The following TMCC3 variants were observed in gnomAD, a reference collection of about 807,000 sequenced individuals.
The protein encoded by TMCC3 is transmembrane and coiled-coil domain family 3, also known as transmembrane and coiled-coil domain protein 3.
A neutral mutation model predicts 40.2 loss-of-function variants in TMCC3; 28 were observed. That is an observed-to-expected ratio of 0.70 (90% confidence interval 0.52 to 0.95). TMCC3 has a LOEUF of 0.95. TMCC3 is among the 40% of genes least tolerant of loss of function. The pLI is 0.00. For missense variants in TMCC3, 554 were observed against 615.2 expected (o/e 0.90, Z 1.05); for synonymous variants, 255 against 248.5 (o/e 1.03, Z -0.25).
Position 94,617,030 on chromosome 12 carries a change from G to A in TMCC3, c.78+33323C>T, listed in dbSNP as rs1018457376. Among the ~76,000 whole-genome samples the A allele has an allele frequency of 5.9e-5, 9 of 152,314 alleles. No individual in the cohort carries two copies. The East Asian group carries it at 7.7e-4, about 13-fold the overall frequency. On this transcript the variant is annotated intron_variant, in intron 1 of 3. Coordinates refer to ENST00000261226, the MANE Select transcript of TMCC3 (RefSeq NM_020698.4). Reference sequence around the variant, plus strand: ...GGTGAAGGCTGGATGTAGGGTGGTCGTGAGAGGTCTATGAAGGAGGTGGAA... The same window carrying A: ...GGTGAAGGCTGGATGTAGGGTGGTCATGAGAGGTCTATGAAGGAGGTGGAA...
intron 1 of TMCC3, among the ~76,000 whole-genome samples, chr12:94,628,419 C>G (rs964371460): frequency 6.6e-6 from 1 of 152,218 alleles, no homozygotes; most frequent in African/African-American, 2.4e-5. Context: ...CTTACACTGA[C>G]CTTCTCATAC....
chr12:94,589,302 G>A (rs746478418), intron 1 of TMCC3, among the ~76,000 whole-genome samples: 15 of 152,140 alleles, frequency 9.9e-5, no homozygotes, highest in African/African-American at 2.4e-4. Context: ...CTTTGCCATC[G>A]TATTAATGTC....
rs753311029 is a variant in TMCC3 at position 94,650,376 on chromosome 12, G to T, written c.55C>A (p.Arg19=). The change falls in exon 1 of 4, where the codon CGG becomes AGG. Residue 19 remains arginine (R), a synonymous_variant. Coordinates refer to ENST00000261226, the MANE Select transcript of TMCC3 (RefSeq NM_020698.4). ...ACCCGGCTCTTGCAGCGGTGGTGCC[G>T]GCCGGGGTACGAGTAGGTCCGGTCC... is the stretch of plus-strand genomic sequence containing the variant. ...TVDRTYSYPG[R]HHRCKSRVER... is the part of the protein sequence containing the mutation. 7.4e-7 allele frequency: 1 copy of T among 1,342,468 alleles called. No homozygotes were observed. The highest frequency in any genetic ancestry group is 1.8e-5 in the South Asian group (1 of 57,082). The allele number at this position is 1,342,468 out of a possible 1,614,324, so 83.2% of individuals were successfully genotyped here.
intron 3 of TMCC3, 43 bp downstream of exon 3, chr12:94,578,351 G>A (rs773860152): frequency 2.2e-5 from 35 of 1,588,250 alleles, no homozygotes; most frequent in Admixed American, 3.6e-5. Flanking sequence ...ATTAAGGCTC[G>A]GGAAGAGCCC....
At chr12:94,602,453 C>T (rs2068758699) in intron 1 of TMCC3, among the ~76,000 whole-genome samples, 1 of 152,146 alleles carries the variant, frequency 6.6e-6, no homozygotes, top group South Asian at 2.1e-4. Flanking sequence ...GTTACATTTT[C>T]CCCTTCCTTT....
At chr12:94,639,547 T>G (rs995223137) in intron 1 of TMCC3, among the ~76,000 whole-genome samples, 10 of 151,828 alleles carry the variant, frequency 6.6e-5, no homozygotes, top group African/African-American at 2.4e-4. Flanking sequence ...ACCACTACAC[T>G]CCAGCCTGGG....
At chr12:94,649,998 C>G (rs1319251328) in intron 1 of TMCC3, among the ~76,000 whole-genome samples, 3 of 152,206 alleles carry the variant, frequency 2.0e-5, no homozygotes, top group Admixed American at 2.0e-4. Context: ...GACCTGGAGA[C>G]GCGGGGCCGC....
At chr12:94,617,500 C>A (rs969707938) in intron 1 of TMCC3, among the ~76,000 whole-genome samples, 1 of 152,120 alleles carries the variant, frequency 6.6e-6, no homozygotes, top group African/African-American at 2.4e-5. Context: ...TTCCTCTTGC[C>A]CTTTTGTGAT....
At chr12:94,613,171 G>T (rs532870236) in intron 1 of TMCC3, among the ~76,000 whole-genome samples, 104 of 151,690 alleles carry the variant, frequency 6.9e-4, no homozygotes, top group African/African-American at 2.5e-3. Flanking sequence ...AGAACTACAA[G>T]AATTAAAATG....
rs546774218 is a variant in TMCC3 at position 94,568,860 on chromosome 12, G to A, written c.*2575C>T. On this transcript the variant is annotated 3_prime_UTR_variant, in exon 4 of 4. Coordinates refer to ENST00000261226, the MANE Select transcript of TMCC3 (RefSeq NM_020698.4). ...TATGAATTATTTCAAAGGAATTCAT[G>A]ATCCAGGTAGGAGGATTTAGATCCT... 1.3e-5 allele frequency: 2 copies of A among 152,350 alleles called. No individual in the cohort carries two copies. Among genetic ancestry groups the A allele is most frequent in the East Asian group, 1.9e-4 (1 of 5,188 alleles). The allele number at this position is 152,350 out of a possible 1,614,324, so 9.4% of individuals were successfully genotyped here. A position where few individuals can be genotyped will look rare whatever the true frequency, so the allele number is the denominator to read the frequency against.
Position 94,612,184 on chromosome 12 carries a change from G to A in TMCC3, c.79-29646C>T, listed in dbSNP as rs376420577. 1.9e-3 allele frequency among the ~76,000 whole-genome samples: 295 copies of A among 152,258 alleles called. 9 individuals carry two copies. In the South Asian group the frequency reaches 0.059, roughly 30 times the overall value. Reference sequence around the variant, plus strand: ...CGGCTAATTTTTGTATTTTTTTGTAGAGACGAGGTTTCACCATGTTGACCA... The same window carrying A: ...CGGCTAATTTTTGTATTTTTTTGTAAAGACGAGGTTTCACCATGTTGACCA... On this transcript the variant is annotated intron_variant, in intron 1 of 3. Coordinates refer to ENST00000261226, the MANE Select transcript of TMCC3 (RefSeq NM_020698.4).
intron 3 of TMCC3, among the ~76,000 whole-genome samples, chr12:94,576,626 C>T (rs1345719402): frequency 3.9e-5 from 6 of 152,148 alleles, no homozygotes; most frequent in South Asian, 2.1e-4. Flanking sequence ...CAGGTACACA[C>T]TGCCACACCC....
rs1320026129 is a variant in TMCC3 at position 94,622,307 on chromosome 12, A to G, written c.78+28046T>C. Among the ~76,000 whole-genome samples, 20 of 152,152 alleles carry G rather than the reference A, an allele frequency of 1.3e-4. 1 individual carries two copies. Among genetic ancestry groups the G allele is most frequent in the Admixed American group, 1.3e-3 (20 of 15,272 alleles). On this transcript the variant is annotated intron_variant, in intron 1 of 3. Coordinates refer to ENST00000261226, the MANE Select transcript of TMCC3 (RefSeq NM_020698.4). Reference sequence around the variant, plus strand: ...TCAGGGAGAGTTCAATCGAGATATAATTGCCTCTAATTGGCCCTCCCACAC... The same window carrying G: ...TCAGGGAGAGTTCAATCGAGATATAGTTGCCTCTAATTGGCCCTCCCACAC...
intron 1 of TMCC3, among the ~76,000 whole-genome samples, chr12:94,594,198 AATATAT>A (rs59083165): frequency 0.34 from 49,530 of 145,404 alleles, 8,681 homozygotes; most frequent in Admixed American, 0.43. Flanking sequence ...TTTAAATTTA[AATATAT>A]ATATATATAT....
intron 1 of TMCC3, among the ~76,000 whole-genome samples, chr12:94,634,039 G>A (rs1420205451): frequency 6.6e-6 from 1 of 151,030 alleles, no homozygotes; most frequent in Non-Finnish European, 1.5e-5. Flanking sequence ...TCCGCCTCCC[G>A]GGTTCAAACG....
In TMCC3 at chr12:94,615,889, C is replaced by A. The variant is rs918159385; in HGVS notation, c.79-33351G>T. 1.0e-5 allele frequency: 10 copies of A among 973,192 alleles called. No individual in the cohort carries two copies. In the African/African-American group the frequency reaches 2.0e-4, roughly 19 times the overall value. The allele number at this position is 973,192 out of a possible 1,614,324, so 60.3% of individuals were successfully genotyped here. On this transcript the variant is annotated intron_variant, in intron 1 of 3. Coordinates refer to ENST00000261226, the MANE Select transcript of TMCC3 (RefSeq NM_020698.4). ...GCTCCACAATACATATTTACACACT[C>A]TGGCTGAAACGGAAGAGTTGTGAAG...
chr12:94,631,864 GA>G (rs1419325901), intron 1 of TMCC3, among the ~76,000 whole-genome samples: 1 of 152,178 alleles, frequency 6.6e-6, no homozygotes, highest in Non-Finnish European at 1.5e-5. Context: ...GTAGTAACAT[GA>G]AAAAACAGGT....
At chr12:94,575,422 C>T (rs916467035) in intron 3 of TMCC3, among the ~76,000 whole-genome samples, 1 of 152,080 alleles carries the variant, frequency 6.6e-6, no homozygotes, top group African/African-American at 2.4e-5. Context: ...ATTAATATTT[C>T]CATTTTATTA....
At position 94,572,323 on chromosome 12, in the gene TMCC3, TTTTTTGA is replaced by T. The variant is rs1325730517; in HGVS notation, c.1132-593_1132-587del. ...GACTTCATCTTTTTTTTTTTTTTTT[TTTTTTGA>T]GACAGAGTTTCACTCTGTCACCCAG... On this transcript the variant is annotated intron_variant, in intron 3 of 3. Transcript: ENST00000261226. 1.3e-4 allele frequency among the ~76,000 whole-genome samples: 16 copies of T among 123,154 alleles called. 1 individual carries two copies. The highest frequency in any genetic ancestry group is 2.4e-4 in the Non-Finnish European group (14 of 57,356). 80.8% of individuals were successfully genotyped at this position (123,154 alleles called of 152,430 possible).
Sources: allele counts gnomAD v4.1 joint callset (sites outside exome capture counted in the v4.1 genomes callset), GRCh38; gene constraint gnomAD v4.1.1; transcripts MANE v1.5; gene names NCBI Gene and HGNC (gene_info 2026-07-23, HGNC 2026-07-21).